The following ERMN variants were observed in gnomAD, a reference collection of about 807,000 sequenced individuals.
The protein encoded by ERMN is ermin, also known as ermin, ERM-like protein.
Under a neutral mutation model 21.4 loss-of-function variants are expected in ERMN, and 17 were observed. That is an observed-to-expected ratio of 0.80 (90% CI 0.54 to 1.19). The LOEUF is 1.19. Among genes scored for constraint, ERMN ranks in the 50% most tolerant of loss-of-function variants. The pLI, the probability that ERMN is intolerant of heterozygous loss-of-function variation, is 0.00. For missense variants in ERMN, 348 were observed against 331.6 expected, an observed-to-expected ratio of 1.05 and a Z score of -0.38; for synonymous variants, 115 against 111.9, an observed-to-expected ratio of 1.03 and a Z score of -0.17.
At chr2:157,327,107 T>C (rs1684084662), upstream of ERMN, 1 of 149,714 alleles carries the variant, frequency 6.7e-6, no homozygotes, top group African/African-American at 2.4e-5. Context: ...TTATATTATA[T>C]ATATAATATA....
chr2:157,320,994 C>T lies in ERMN; in HGVS notation c.*277G>A, dbSNP rs1031829304. On this transcript the variant is annotated 3_prime_UTR_variant, in exon 3 of 3. Coordinates refer to ENST00000410096, the MANE Select transcript of ERMN (RefSeq NM_020711.3). ...TTATAGCCGAATTATGCCAGATTCCCCCAGGGGACTGACTGCTTAGTGCTT... is the reference window on the plus strand; with the variant it reads ...TTATAGCCGAATTATGCCAGATTCCTCCAGGGGACTGACTGCTTAGTGCTT... 1.2e-5 allele frequency: 4 copies of T among 344,472 alleles called. No homozygotes were observed. In the South Asian group the frequency reaches 2.3e-4, roughly 19 times the overall value. 21.3% of individuals were successfully genotyped at this position (344,472 alleles called of 1,614,324 possible).
At chr2:157,323,201 T>A (rs1441253833) in intron 2 of ERMN, among the ~76,000 whole-genome samples, 1 of 152,110 alleles carries the variant, frequency 6.6e-6, no homozygotes, top group East Asian at 1.9e-4. Flanking sequence ...CTCCATTTGA[T>A]GAAAATGAAA....
In ERMN at chr2:157,321,295, T is replaced by A; in HGVS notation, c.831A>T (p.Glu277Asp). The change falls in exon 3 of 3, where the codon GAA becomes GAT. Residue 277 changes from glutamate (E) to aspartate (D), a missense_variant. By Grantham distance (45) the Glu-to-Asp change is conservative (BLOSUM62 2). Coordinates refer to ENST00000410096, the MANE Select transcript of ERMN (RefSeq NM_020711.3). ...TTTATAAATGCATCATAGACTCGAA[T>A]TCATCAATTCTTTGCTTGGTATTTC... ...RKGNTKQRID[E>D]FESMMHL 1 of 1,613,542 alleles carries A rather than the reference T, an allele frequency of 6.2e-7. No homozygotes were observed. The highest frequency in any genetic ancestry group is 1.7e-4 in the Middle Eastern group (1 of 6,058).
chr2:157,325,280 T>A, intron 1 of ERMN, 122 bp downstream of exon 1: 1 of 1,273,764 alleles, frequency 7.9e-7, no homozygotes, highest in Non-Finnish European at 1.1e-6. Context: ...ATACTATGCG[T>A]AGTAGAATAA....
upstream of ERMN, chr2:157,326,062 T>C (rs990964187): frequency 2.1e-5 from 10 of 466,926 alleles, no homozygotes; most frequent in African/African-American, 1.5e-4. Context: ...AATGGCCCAT[T>C]GTAATTTTCC....
chr2:157,326,071 C>T (rs535110137), upstream of ERMN: 43 of 400,214 alleles, frequency 1.1e-4, no homozygotes, highest in South Asian at 3.0e-3. Flanking sequence ...TTGTAATTTT[C>T]CCTGTAACAG....
Position 157,325,668 on chromosome 2 carries a change from G to C in ERMN, c.-26C>G. ...GATGTGCGGTTGAATCCGATCTGGAGAGAGAGCTTTAGGGAAACTGAGTGA... is the reference window on the plus strand; with the variant it reads ...GATGTGCGGTTGAATCCGATCTGGACAGAGAGCTTTAGGGAAACTGAGTGA... On this transcript the variant is annotated 5_prime_UTR_variant, in exon 1 of 3. Transcript: ENST00000410096. 6.2e-7 allele frequency: 1 copy of C among 1,613,988 alleles called. No individual in the cohort carries two copies. Among genetic ancestry groups the C allele is most frequent in the Non-Finnish European group, 8.5e-7 (1 of 1,179,836 alleles).
chr2:157,326,253 T>A (rs1450180276), upstream of ERMN, among the ~76,000 whole-genome samples: 1 of 152,222 alleles, frequency 6.6e-6, no homozygotes, highest in Non-Finnish European at 1.5e-5. Context: ...AAACAGCTTA[T>A]GGAAAAAACC....
rs1683881251 is a variant in ERMN, at chr2:157,321,169, C to T, written c.*102G>A. On this transcript the variant is annotated 3_prime_UTR_variant, in exon 3 of 3. Transcript: ENST00000410096. Reference sequence around the variant, plus strand: ...GAAAAAGAGAGTCAACTTCCACCTCCCTCCAAGTGATAACTCAAATAAGGC... The same window carrying T: ...GAAAAAGAGAGTCAACTTCCACCTCTCTCCAAGTGATAACTCAAATAAGGC... 6.8e-7 allele frequency: 1 copy of T among 1,475,916 alleles called. No individual in the cohort carries two copies. Among genetic ancestry groups the T allele is most frequent in the Non-Finnish European group, 9.0e-7 (1 of 1,112,718 alleles). The allele number at this position is 1,475,916 out of a possible 1,614,324, so 91.4% of individuals were successfully genotyped here.
At position 157,321,474 on chromosome 2, in the gene ERMN, C is replaced by T. The variant is rs1485411568; in HGVS notation, c.652G>A (p.Glu218Lys). Residue 218 changes from glutamate (E) to lysine (K), a missense_variant, in exon 3 of 3, where the codon GAG becomes AAG. Transcript: ENST00000410096. ...GAGTCCTCACTTGCATCACCTTCCT[C>T]TTTAAATTGAGAAACCTCTTCATGT... ...KKHEEVSQFK[E>K]EGDASEDSPL... 2 of 1,614,118 alleles carry T rather than the reference C, an allele frequency of 1.2e-6. No homozygotes were observed. Among genetic ancestry groups the T allele is most frequent in the South Asian group, 2.2e-5 (2 of 91,082 alleles).
In ERMN at chr2:157,319,368, C is replaced by T. The variant is rs1235708582; in HGVS notation, c.*1903G>A. ...AAGAGGTACTTGCTTTGCCGTGCCA[C>T]ATAACCATAGGTCACCCACCTCTAG... On this transcript the variant is annotated 3_prime_UTR_variant, in exon 3 of 3. Transcript: ENST00000410096. 1 of 152,156 alleles carries T rather than the reference C, an allele frequency of 6.6e-6. No homozygotes were observed. The highest frequency in any genetic ancestry group is 1.5e-5 in the Non-Finnish European group (1 of 68,018). The allele number at this position is 152,156 out of a possible 1,614,324, so 9.4% of individuals were successfully genotyped here.
Position 157,325,529 on chromosome 2 carries a change from G to A in ERMN, c.114C>T (p.Ser38=). The A allele has an allele frequency of 1.2e-6, 2 of 1,614,166 alleles. No homozygotes were observed. Among genetic ancestry groups the A allele is most frequent in the African/African-American group, 1.3e-5 (1 of 75,032 alleles). ...KISEELTDVD[S]PLPHYRVEPS... ...GTTCTACCCTGTAGTGTGGCAGGGG[G>A]CTGTCCACATCAGTCAATTCCTCAC... is the stretch of plus-strand genomic sequence containing the variant. Residue 38 remains serine, a synonymous_variant, in exon 1 of 3, where the codon AGC becomes AGT. Transcript: ENST00000410096.
At chr2:157,324,818 A>C (rs991338759) in intron 1 of ERMN, 56 bp from the exon 2 acceptor site, 2 of 1,227,942 alleles carry the variant, frequency 1.6e-6, no homozygotes, top group African/African-American at 3.1e-5. Context: ...ATTGTTCAAC[A>C]GTTAATAAGT....
intron 2 of ERMN, among the ~76,000 whole-genome samples, chr2:157,323,240 C>G (rs1432629207): frequency 6.6e-6 from 1 of 152,146 alleles, no homozygotes; most frequent in Non-Finnish European, 1.5e-5. Context: ...CTGCAATGGA[C>G]TCCTGATCAA....
At chr2:157,325,992 G>A (rs1489515237), upstream of ERMN, 2 of 1,089,050 alleles carry the variant, frequency 1.8e-6, no homozygotes, top group Admixed American at 4.4e-5. Flanking sequence ...TTGGCATGTA[G>A]AGAGGGACTT....
Position 157,325,050 on chromosome 2 carries a change from T to A in ERMN, c.242-288A>T, listed in dbSNP as rs562075025. 1.3e-4 allele frequency: 50 copies of A among 397,118 alleles called. No homozygotes were observed. The East Asian group carries it at 2.8e-3, about 22-fold the overall frequency. 24.6% of individuals were successfully genotyped at this position (397,118 alleles called of 1,614,324 possible). ...TATATTTAGAAGGAAATTTTAACATTTTGAATTCTCTTTGTTCAAATAATA... is the reference window on the plus strand; with the variant it reads ...TATATTTAGAAGGAAATTTTAACATATTGAATTCTCTTTGTTCAAATAATA... On this transcript the variant is annotated intron_variant, in intron 1 of 2. Transcript: ENST00000410096.
At chr2:157,326,823 G>A (rs1162214999), upstream of ERMN, among the ~76,000 whole-genome samples, 1 of 151,880 alleles carries the variant, frequency 6.6e-6, no homozygotes, top group African/African-American at 2.4e-5. Flanking sequence ...ATCTCTAACC[G>A]CCAGGATTAG....
At chr2:157,324,579 T>A in intron 2 of ERMN, 91 bp downstream of exon 2, 4 of 1,017,010 alleles carry the variant, frequency 3.9e-6, no homozygotes, top group Non-Finnish European at 6.0e-6. Context: ...GATTGCTTTG[T>A]CAACCCCACG....
intron 2 of ERMN, among the ~76,000 whole-genome samples, chr2:157,322,725 T>C (rs1309975214): frequency 6.6e-6 from 1 of 152,238 alleles, no homozygotes; most frequent in East Asian, 1.9e-4. Context: ...GAATACATAG[T>C]AAACTTACAG....
Sources: gnomAD v4.1 joint callset for allele counts (sites outside exome capture counted in the v4.1 genomes callset) on GRCh38, gnomAD v4.1.1 for gene constraint, MANE v1.5 for transcripts, NCBI Gene and HGNC (gene_info 2026-07-23, HGNC 2026-07-21) for gene names.